CAPN3: variants seen among roughly 807,000 people sequenced by gnomAD.
CAPN3 encodes calpain 3.
A neutral mutation model predicts 114.0 loss-of-function variants in CAPN3; 88 were observed. The observed-to-expected ratio is 0.77, with a 90% confidence interval of 0.65 to 0.92. The LOEUF is 0.92. Ranked by LOEUF, CAPN3 falls within the 40% of genes least tolerant of loss-of-function variation. The pLI, the probability that CAPN3 is intolerant of heterozygous loss-of-function variation, is 0.00. For missense variants in CAPN3, 1,028 were observed against 1,069.0 expected, an observed-to-expected ratio of 0.96 and a Z score of 0.53; for synonymous variants, 386 against 382.9, an observed-to-expected ratio of 1.01 and a Z score of -0.09.
rs747026964 is a variant in CAPN3, at chr15:42,384,511, T to A, written c.338T>A (p.Ile113Asn). The A allele has an allele frequency of 1.9e-6, 3 of 1,614,032 alleles. No homozygotes were observed. The East Asian group carries it at 6.7e-5, about 36-fold the overall frequency. Residue 113 changes from isoleucine to asparagine, a missense_variant, in exon 2 of 24, where the codon ATT becomes AAT. Physicochemically the swap from Ile to Asn is moderately radical, Grantham distance 149. Transcript: ENST00000397163. ...ATTTGCGAGAATCCCCGATTTATCA[T>A]TGATGGAGCCAACAGAACTGACATC... Reference protein sequence around the residue: ...PEICENPRFIIDGANRTDICQ... With the variant: ...PEICENPRFINDGANRTDICQ...
chr15:42,381,137 T>G (rs948080136), intron 1 of CAPN3, among the ~76,000 whole-genome samples: 2 of 152,216 alleles, frequency 1.3e-5, no homozygotes, highest in Admixed American at 6.5e-5. Flanking sequence ...GTTTTTATTA[T>G]GATTTAACTA....
Position 42,412,085 on chromosome 15 carries a change from G to C in CAPN3, c.*312G>C, listed in dbSNP as rs772178005. 3.9e-6 allele frequency: 6 copies of C among 1,534,750 alleles called. No individual in the cohort carries two copies. Among genetic ancestry groups the C allele is most frequent in the Non-Finnish European group, 5.2e-6 (6 of 1,146,460 alleles). On this transcript the variant is annotated 3_prime_UTR_variant, in exon 24 of 24. Coordinates refer to ENST00000397163, the MANE Select transcript of CAPN3 (RefSeq NM_000070.3). The stretch of plus-strand genomic sequence containing the variant: ...GAGTGCTCCTGCTTACCTTGCTCTA[G>C]GCTGTCTGCAGAAGCACCTGCCGGT...
chr15:42,371,127 A>G (rs16973184), intron 1 of CAPN3, among the ~76,000 whole-genome samples: 7,970 of 152,230 alleles, frequency 0.052, 642 homozygotes, highest in African/African-American at 0.17. Context: ...TAACTGAAAG[A>G]CAAAACGAGG....
At chr15:42,368,656 G>A (rs1171771772) in intron 1 of CAPN3, among the ~76,000 whole-genome samples, 3 of 152,212 alleles carry the variant, frequency 2.0e-5, no homozygotes, top group Non-Finnish European at 2.9e-5. Flanking sequence ...CTAATACAGT[G>A]TTCTCAGCGT....
chr15:42,405,908 T>G lies in CAPN3; in HGVS notation c.1783-18T>G. 6.2e-7 allele frequency: 1 copy of G among 1,608,308 alleles called. No homozygotes were observed. Among genetic ancestry groups the G allele is most frequent in the Non-Finnish European group, 8.5e-7 (1 of 1,174,778 alleles). On this transcript the variant is annotated intron_variant, in intron 14 of 23. Transcript: ENST00000397163. The stretch of plus-strand genomic sequence containing the variant: ...CTTTTCACTTATTCTGCATTTACTG[T>G]TTCCTTTTCTTATGCAGAAAAAGAA...
chr15:42,384,841 G>T (rs1005859639), intron 2 of CAPN3, among the ~76,000 whole-genome samples: 3 of 152,128 alleles, frequency 2.0e-5, no homozygotes, highest in Non-Finnish European at 4.4e-5. Flanking sequence ...CATGACAAAA[G>T]CCCTGCTTTT....
chr15:42,380,751 A>ATATATATATTTTTTTT (rs1436943739), intron 1 of CAPN3, among the ~76,000 whole-genome samples: 2 of 64,454 alleles, frequency 3.1e-5, no homozygotes, highest in African/African-American at 1.8e-4. Context: ...ATATATATAT[A>ATATATATATTTTTTTT]TTTTTTTTTT....
intron 15 of CAPN3, among the ~76,000 whole-genome samples, chr15:42,407,624 C>T (rs956784048): frequency 5.3e-5 from 8 of 152,008 alleles, no homozygotes; most frequent in South Asian, 2.1e-4. Context: ...CCACCGTGCC[C>T]GGCCAGAGAG....
At chr15:42,385,760 C>T (rs554297192) in intron 2 of CAPN3, 21 of 523,988 alleles carry the variant, frequency 4.0e-5, no homozygotes, top group African/African-American at 3.6e-4. Flanking sequence ...GCTCAGTCTT[C>T]GCTGAAGTCA....
rs542367782 is a variant in CAPN3 at position 42,411,013 on chromosome 15, G to T, written c.2380+13G>T. On this transcript the variant is annotated intron_variant, in intron 22 of 23. Transcript: ENST00000397163. ...GAGGGCATGTTCAGTAAGTGGGAGA[G>T]GGGGGCTGCCCTCTGCTCTCTTGCA... 3 of 1,574,692 alleles carry T rather than the reference G, an allele frequency of 1.9e-6. No homozygotes were observed. The highest frequency in any genetic ancestry group is 2.6e-6 in the Non-Finnish European group (3 of 1,147,620).
chr15:42,368,528 T>A (rs1283628442), intron 1 of CAPN3, among the ~76,000 whole-genome samples: 1 of 152,160 alleles, frequency 6.6e-6, no homozygotes, highest in African/African-American at 2.4e-5. Flanking sequence ...AAATAAGGTG[T>A]CTTTAAGCAG....
At chr15:42,405,127 AG>A (rs1299599933) in intron 14 of CAPN3, among the ~76,000 whole-genome samples, 2 of 152,174 alleles carry the variant, frequency 1.3e-5, no homozygotes, top group South Asian at 2.1e-4. Flanking sequence ...TAGTTGCCGC[AG>A]GGATTACAGG....
At chr15:42,406,825 T>A (rs932423365) in intron 15 of CAPN3, among the ~76,000 whole-genome samples, 2 of 152,106 alleles carry the variant, frequency 1.3e-5, no homozygotes, top group African/African-American at 4.8e-5. Flanking sequence ...GACCTCCATT[T>A]GCTCTGGGAT....
intron 1 of CAPN3, 64 bp downstream of exon 1, chr15:42,360,178 C>T (rs2052604036): frequency 3.8e-6 from 6 of 1,579,544 alleles, no homozygotes; most frequent in Non-Finnish European, 5.2e-6. Context: ...CACTCAGCAC[C>T]TCCGGCAGCT....
chr15:42,378,708 A>G (rs1269311363), intron 1 of CAPN3, among the ~76,000 whole-genome samples: 2 of 151,878 alleles, frequency 1.3e-5, no homozygotes, highest in Non-Finnish European at 2.9e-5. Context: ...TATCTCTTCT[A>G]TAGTGTACTA....
intron 9 of CAPN3, 114 bp downstream of exon 9, chr15:42,396,991 C>T: frequency 2.5e-6 from 2 of 798,800 alleles, no homozygotes. Context: ...GAGATCTGGG[C>T]TGTGTTCTCC....
At chr15:42,380,751 ATTTTTTT>A (rs59923448) in intron 1 of CAPN3, among the ~76,000 whole-genome samples, 2 of 64,456 alleles carry the variant, frequency 3.1e-5, no homozygotes, top group African/African-American at 8.9e-5. Context: ...ATATATATAT[ATTTTTTT>A]TTTTTTTTTT....
chr15:42,393,591 C>A (rs1287679408), intron 7 of CAPN3, among the ~76,000 whole-genome samples: 2 of 132,060 alleles, frequency 1.5e-5, no homozygotes, highest in African/African-American at 3.1e-5. Flanking sequence ...GTCTTTCTTT[C>A]TTTCTTTTTT....
In CAPN3 at chr15:42,403,011, T is replaced by C. The variant is rs933881512; in HGVS notation, c.1745+9T>C. On this transcript the variant is annotated intron_variant, in intron 13 of 23. Transcript: ENST00000397163. ...AAGAGGAACCTCTCTGAGTGAGTGCTGGCCCAGCTTTCCCACGTGTTTCTA... is the reference window on the plus strand; with the variant it reads ...AAGAGGAACCTCTCTGAGTGAGTGCCGGCCCAGCTTTCCCACGTGTTTCTA... 1.9e-6 allele frequency: 3 copies of C among 1,612,228 alleles called. No homozygotes were observed. The highest frequency in any genetic ancestry group is 2.5e-6 in the Non-Finnish European group (3 of 1,178,284).
Sources: allele counts gnomAD v4.1 joint callset (sites outside exome capture counted in the v4.1 genomes callset), GRCh38; gene constraint gnomAD v4.1.1; transcripts MANE v1.5; gene names NCBI Gene and HGNC (gene_info 2026-07-23, HGNC 2026-07-21).